TULP4: variants seen among roughly 807,000 people sequenced by gnomAD.
TULP4 encodes TUB like protein 4, also known as tubby-related protein 4.
Under a neutral mutation model 129.0 loss-of-function variants are expected in TULP4, and 16 were observed. That is an observed-to-expected ratio of 0.12 (90% CI 0.08 to 0.19). The LOEUF is 0.19. Among genes scored for constraint, TULP4 ranks in the 10% least tolerant of loss-of-function variants. TULP4 has a pLI of 1.00. For missense variants in TULP4, 1,842 were observed against 2,059.1 expected (o/e 0.89, Z 2.04); for synonymous variants, 998 against 854.0 (o/e 1.17, Z -2.94).
intron 1 of TULP4, among the ~76,000 whole-genome samples, chr6:158,243,468 A>G (rs1304595913): frequency 7.7e-6 from 1 of 129,690 alleles, no homozygotes; most frequent in African/African-American, 2.7e-5. Context: ...TATATATATG[A>G]TTGTTTGAAT....
intron 1 of TULP4, among the ~76,000 whole-genome samples, chr6:158,239,621 G>A (rs1483839729): frequency 4.7e-5 from 3 of 63,858 alleles, no homozygotes; most frequent in Admixed American, 1.5e-4. Context: ...CGGACGGGGC[G>A]GCTGGCCGGG....
Position 158,312,484 on chromosome 6 carries a change from A to G in TULP4, c.-1533A>G, listed in dbSNP as rs1406663817. 3 of 184,544 alleles carry G rather than the reference A, an allele frequency of 1.6e-5. No homozygotes were observed. The highest frequency in any genetic ancestry group is 3.3e-5 in the Non-Finnish European group (3 of 89,950). The allele number at this position is 184,544 out of a possible 1,614,324, so 11.4% of individuals were successfully genotyped here. On this transcript the variant is annotated 5_prime_UTR_variant, in exon 1 of 14. Coordinates refer to ENST00000367097, the MANE Select transcript of TULP4 (RefSeq NM_020245.5). Reference sequence around the variant, plus strand: ...GATTTCAAACATTGCAGCGGCTCACACAGTGTTTGTTGCACTTTATTTTTC... The same window carrying G: ...GATTTCAAACATTGCAGCGGCTCACGCAGTGTTTGTTGCACTTTATTTTTC...
intron 5 of TULP4, 137 bp from the exon 6 acceptor site, chr6:158,461,426 A>AAT: frequency 1.4e-6 from 1 of 733,798 alleles, no homozygotes; most frequent in Non-Finnish European, 2.0e-6. Flanking sequence ...AAAAAAAAAA[A>AAT]GGAAAAAACC....
At chr6:158,407,244 C>A (rs1471176293) in intron 1 of TULP4, among the ~76,000 whole-genome samples, 1 of 152,210 alleles carries the variant, frequency 6.6e-6, no homozygotes, top group Non-Finnish European at 1.5e-5. Flanking sequence ...TCTCAAAAAA[C>A]ACACAAATGG....
intron 6 of TULP4, among the ~76,000 whole-genome samples, chr6:158,465,850 A>T (rs1475038606): frequency 6.6e-6 from 1 of 152,262 alleles, no homozygotes; most frequent in Non-Finnish European, 1.5e-5. Flanking sequence ...GGAGTATACA[A>T]GTCAGGTAGA....
At chr6:158,443,983 G>A (rs183915050) in intron 3 of TULP4, among the ~76,000 whole-genome samples, 398 of 152,082 alleles carry the variant, frequency 2.6e-3, no homozygotes, top group African/African-American at 9.2e-3. Context: ...ACTTTGGGGG[G>A]CCAGGGTGGG....
Position 158,503,056 on chromosome 6 carries a change from T to C in TULP4, c.3393T>C (p.Asp1131=), listed in dbSNP as rs914690. ...AGTGGGACCCCATGCTGGGTGAGGA[T>C]GTTTGGGTTCCTCAAGAAAGGACAG... The part of the protein sequence containing the change: ...PYQWDPMLGE[D]VWVPQERTAQ... The change falls in exon 13 of 14, where the codon GAT becomes GAC. Residue 1131 remains aspartate, a synonymous_variant. Coordinates refer to ENST00000367097, the MANE Select transcript of TULP4 (RefSeq NM_020245.5). The surrounding 1 kb of genome is among the most constrained non-coding windows in gnomAD (Gnocchi z 4.3). 1,612,835 of 1,614,152 alleles carry C rather than the reference T, an allele frequency of 1. 805,759 individuals are homozygous for C. The highest frequency in any genetic ancestry group is 1 in the East Asian group (44,874 of 44,874).
At chr6:158,330,530 C>G (rs991099864) in intron 1 of TULP4, among the ~76,000 whole-genome samples, 1 of 152,162 alleles carries the variant, frequency 6.6e-6, no homozygotes, top group African/African-American at 2.4e-5. Flanking sequence ...GTTCTTCCCC[C>G]CTGGATCATT....
intron 1 of TULP4, among the ~76,000 whole-genome samples, chr6:158,339,084 A>G (rs1322115521): frequency 6.6e-6 from 1 of 152,182 alleles, no homozygotes; most frequent in Admixed American, 6.5e-5. Flanking sequence ...CAGTAATTCA[A>G]CGTGAGTCCT....
chr6:158,364,495 A>C (rs573229233), intron 1 of TULP4, among the ~76,000 whole-genome samples: 1 of 152,158 alleles, frequency 6.6e-6, no homozygotes, highest in African/African-American at 2.4e-5. Flanking sequence ...TATTTCAGAA[A>C]TATCTTTTGT....
upstream of TULP4, among the ~76,000 whole-genome samples, chr6:158,279,236 C>G (rs960217633): frequency 3.3e-5 from 5 of 152,098 alleles, no homozygotes; most frequent in Admixed American, 1.3e-4. Flanking sequence ...GCCACCGCGC[C>G]CGGCCTGGCT....
rs994858725 is a variant in TULP4 at position 158,510,017 on chromosome 6, G to T, written c.*3323G>T. On this transcript the variant is annotated 3_prime_UTR_variant, in exon 14 of 14. Transcript: ENST00000367097. ...AAATTTAAAAGCAGTCCAGTAAAAG[G>T]TTAACTGTATAAAGAATCTATGACT... 1 of 152,412 alleles carries T rather than the reference G, an allele frequency of 6.6e-6. No homozygotes were observed. The highest frequency in any genetic ancestry group is 1.5e-5 in the Non-Finnish European group (1 of 68,040). 9.4% of individuals were successfully genotyped at this position (152,412 alleles called of 1,614,324 possible).
intron 2 of TULP4, among the ~76,000 whole-genome samples, chr6:158,414,836 G>A (rs529591731): frequency 2.0e-5 from 3 of 152,266 alleles, no homozygotes; most frequent in South Asian, 2.1e-4. Context: ...TTTTTCATGC[G>A]TTATATCTTT....
chr6:158,412,498 A>G (rs984467105), intron 1 of TULP4, among the ~76,000 whole-genome samples: 29 of 152,188 alleles, frequency 1.9e-4, no homozygotes, highest in African/African-American at 6.5e-4. Flanking sequence ...TGAAGCTTAT[A>G]ATTTCTTGTT....
Position 158,481,193 on chromosome 6 carries a change from T to C in TULP4, c.1390T>C (p.Tyr464His). The change falls in exon 8 of 14, where the codon TAC becomes CAC. Residue 464 changes from tyrosine (Y) to histidine (H), a missense_variant. Transcript: ENST00000367097. Reference sequence around the variant, plus strand: ...CCCGTGCTACACGCTCTACCTGGAGTACCTGGGCGGGCTTGTGCCCATCCT... The same window carrying C: ...CCCGTGCTACACGCTCTACCTGGAGCACCTGGGCGGGCTTGTGCCCATCCT... The part of the protein sequence containing the change: ...GGPCYTLYLE[Y>H]LGGLVPILKG... 6.2e-7 allele frequency: 1 copy of C among 1,614,126 alleles called. No homozygotes were observed. The highest frequency in any genetic ancestry group is 8.5e-7 in the Non-Finnish European group (1 of 1,180,006).
chr6:158,446,966 T>C (rs1045768197), intron 3 of TULP4, among the ~76,000 whole-genome samples: 9 of 152,082 alleles, frequency 5.9e-5, no homozygotes, highest in African/African-American at 1.9e-4. Flanking sequence ...TCAACATAAA[T>C]TGGGGAGGCG....
chr6:158,247,240 G>T lies in TULP4; in HGVS notation n.68+14937G>T, dbSNP rs1165117297. On this transcript the variant is annotated intron_variant and non_coding_transcript_variant, in intron 1 of 1. Transcript: ENST00000620026. The stretch of plus-strand genomic sequence containing the variant: ...GGCATATTAGATCCCCTGGGATAAA[G>T]TGCTTGTAGAGTCTAATCTATTAAT... Among the ~76,000 whole-genome samples the T allele has an allele frequency of 5.9e-5, 9 of 152,076 alleles. No individual in the cohort carries two copies. The East Asian group carries it at 1.7e-3, about 29-fold the overall frequency.
intron 1 of TULP4, among the ~76,000 whole-genome samples, chr6:158,294,818 A>C (rs899228373): frequency 1.6e-4 from 25 of 151,614 alleles, no homozygotes; most frequent in African/African-American, 4.8e-4. Context: ...TGAAACCTCC[A>C]CCTCCCAAGC....
chr6:158,474,385 C>G (rs2128247751), intron 6 of TULP4, among the ~76,000 whole-genome samples: 1 of 152,358 alleles, frequency 6.6e-6, no homozygotes, highest in South Asian at 2.1e-4. Flanking sequence ...CTGGTTTTCC[C>G]TGTCCAGGAC....
Sources: allele counts gnomAD v4.1 joint callset (sites outside exome capture counted in the v4.1 genomes callset), GRCh38; gene constraint gnomAD v4.1.1; non-coding constraint Gnocchi (gnomAD v3.1); transcripts MANE v1.5; gene names NCBI Gene and HGNC (gene_info 2026-07-23, HGNC 2026-07-21).